The following ECPAS variants were observed in gnomAD, a reference collection of about 807,000 sequenced individuals.
ECPAS encodes the protein proteasome adapter and scaffold protein ECM29.
ECPAS carries 70 observed loss-of-function variants against 255.1 expected under a neutral mutation model. The ratio of observed to expected loss-of-function variants is 0.27; its 90% CI spans 0.23 to 0.33. ECPAS has a LOEUF of 0.33. Among genes scored for constraint, ECPAS ranks in the 10% least tolerant of loss-of-function variants. The pLI is 1.00. For missense variants in ECPAS, 1,817 were observed against 2,206.4 expected, an observed-to-expected ratio of 0.82 and a Z score of 3.54; for synonymous variants, 784 against 775.0, an observed-to-expected ratio of 1.01 and a Z score of -0.19.
At chr9:111,365,006 C>A (rs1425863278) in intron 48 of ECPAS, among the ~76,000 whole-genome samples, 3 of 152,116 alleles carry the variant, frequency 2.0e-5, no homozygotes. Flanking sequence ...AAATATATGA[C>A]AATAAAATTC....
At chr9:111,375,237 G>C in intron 37 of ECPAS, 35 bp from the exon 38 acceptor site, 2 of 1,533,976 alleles carry the variant, frequency 1.3e-6, no homozygotes. Context: ...GGTAAGCCTT[G>C]GCAAATAAGT....
At chr9:111,445,217 A>G (rs192197837) in intron 3 of ECPAS, among the ~76,000 whole-genome samples, 1 of 145,664 alleles carries the variant, frequency 6.9e-6, no homozygotes, top group African/African-American at 2.6e-5. Context: ...CTGGTCTCAA[A>G]CTCCTGATCT....
intron 8 of ECPAS, among the ~76,000 whole-genome samples, chr9:111,430,930 A>C (rs2098228919): frequency 6.6e-6 from 1 of 152,222 alleles, no homozygotes; most frequent in Admixed American, 6.5e-5. Context: ...ATGGGTTCTC[A>C]GGCCAATGGC....
intron 2 of ECPAS, among the ~76,000 whole-genome samples, chr9:111,469,599 A>G (rs571650986): frequency 6.6e-6 from 1 of 152,050 alleles, no homozygotes; most frequent in South Asian, 2.1e-4. Context: ...TCACAAGGTC[A>G]GGAGATCGAG....
At chr9:111,459,514 T>C (rs576596039) in intron 2 of ECPAS, among the ~76,000 whole-genome samples, 39 of 152,258 alleles carry the variant, frequency 2.6e-4, no homozygotes, top group African/African-American at 7.7e-4. Flanking sequence ...TATGAATTAT[T>C]AGTAGAATCC....
At chr9:111,407,428 A>AAAAAAG (rs2098186422) in intron 24 of ECPAS, among the ~76,000 whole-genome samples, 14 of 98,824 alleles carry the variant, frequency 1.4e-4, no homozygotes, top group Non-Finnish European at 2.8e-4. Context: ...AAAAAAAAAA[A>AAAAAAG]AAAAAAAAAA....
At position 111,394,307 on chromosome 9, in the gene ECPAS, T is replaced by C; in HGVS notation, c.2777-2A>G. 6.7e-7 allele frequency: 1 copy of C among 1,494,730 alleles called. No individual in the cohort carries two copies. The highest frequency in any genetic ancestry group is 8.9e-7 in the Non-Finnish European group (1 of 1,120,376). 92.6% of individuals were successfully genotyped at this position (1,494,730 alleles called of 1,614,324 possible). A position where few individuals can be genotyped will look rare whatever the true frequency, so the allele number is the denominator to read the frequency against. Reference sequence around the variant, plus strand: ...GAACCACATCATTCACTTTGGCTCCTGGGGAAAAGCAAAGAAAAATAACAA... The same window carrying C: ...GAACCACATCATTCACTTTGGCTCCCGGGGAAAAGCAAAGAAAAATAACAA... On this transcript the variant is annotated splice_acceptor_variant, in intron 25 of 49. Coordinates refer to ENST00000684092, the MANE Select transcript of ECPAS (RefSeq NM_001364929.1). LOFTEE classifies it high-confidence loss of function.
intron 46 of ECPAS, among the ~76,000 whole-genome samples, chr9:111,367,463 C>T (rs1189203544): frequency 6.6e-6 from 1 of 152,136 alleles, no homozygotes; most frequent in African/African-American, 2.4e-5. Context: ...AAATAAACTG[C>T]TTTATGTTTG....
At position 111,374,037 on chromosome 9, in the gene ECPAS, C is replaced by T. The variant is rs1019725904; in HGVS notation, c.4112G>A (p.Gly1371Asp). 6.2e-7 allele frequency: 1 copy of T among 1,611,958 alleles called. No homozygotes were observed. The highest frequency in any genetic ancestry group is 1.7e-5 in the Admixed American group (1 of 60,018). ...IRSGVGLGTKGGCASVIVSLT... is the reference protein window; with the variant it reads ...IRSGVGLGTKDGCASVIVSLT... The stretch of plus-strand genomic sequence containing the variant: ...TGACACAATGACACTGGCACAGCCA[C>T]CCTACAGGGTTACAAAAGCAAAGGT... Residue 1371 changes from glycine to aspartate, a missense_variant and splice_region_variant, in exon 39 of 50, where the codon GGT (glycine) becomes GAT (aspartate). Gly to Asp is a moderately conservative substitution (Grantham distance 94). This residue lies in a region of ECPAS where 960 missense variants were observed against 1,179.0 expected (regional missense o/e 0.81). Coordinates refer to ENST00000684092, the MANE Select transcript of ECPAS (RefSeq NM_001364929.1).
intron 2 of ECPAS, among the ~76,000 whole-genome samples, chr9:111,455,552 C>A (rs1332967270): frequency 6.6e-6 from 1 of 152,210 alleles, no homozygotes; most frequent in African/African-American, 2.4e-5. Flanking sequence ...TATCTGGAAA[C>A]CTGGATTTCA....
chr9:111,457,793 C>A (rs1224657559), intron 2 of ECPAS, among the ~76,000 whole-genome samples: 1 of 152,202 alleles, frequency 6.6e-6, no homozygotes, highest in African/African-American at 2.4e-5. Flanking sequence ...TTAATCCACA[C>A]AGTCAAACAA....
chr9:111,428,423 T>A (rs999928125), intron 9 of ECPAS, among the ~76,000 whole-genome samples: 2 of 152,140 alleles, frequency 1.3e-5, no homozygotes, highest in East Asian at 1.9e-4. Context: ...TTTTCAAAAC[T>A]AACATTTTTA....
chr9:111,394,215 G>A lies in ECPAS; in HGVS notation c.2867C>T (p.Ala956Val), dbSNP rs750297851. 6.2e-7 allele frequency: 1 copy of A among 1,609,388 alleles called. No homozygotes were observed. Among genetic ancestry groups the A allele is most frequent in the Non-Finnish European group, 8.5e-7 (1 of 1,177,648 alleles). The change falls in exon 26 of 50, where the codon GCC (alanine) becomes GTC (valine). Residue 956 changes from alanine (A) to valine (V), a missense_variant. Ala to Val is a moderately conservative substitution (Grantham distance 64). This residue lies in a region of ECPAS where 960 missense variants were observed against 1,179.0 expected (regional missense o/e 0.81). Transcript: ENST00000684092. ...GACAAGGGAAAGGAGCCAGATGCAGGCTGCTTGCCTCACGTGTGGGTTGGG... is the reference window on the plus strand; with the variant it reads ...GACAAGGGAAAGGAGCCAGATGCAGACTGCTTGCCTCACGTGTGGGTTGGG... ...ISPNPHVRQAACIWLLSLVRK... is the reference protein window; with the variant it reads ...ISPNPHVRQAVCIWLLSLVRK...
intron 3 of ECPAS, among the ~76,000 whole-genome samples, chr9:111,447,034 A>AT (rs1431100065): frequency 6.6e-6 from 1 of 152,192 alleles, no homozygotes; most frequent in Non-Finnish European, 1.5e-5. Context: ...ATCTAGGCTG[A>AT]TTCCTAGAGG....
chr9:111,436,631 CAA>C (rs1459041774), intron 7 of ECPAS, among the ~76,000 whole-genome samples: 1 of 151,406 alleles, frequency 6.6e-6, no homozygotes, highest in African/African-American at 2.4e-5. Flanking sequence ...ATTAAAATTA[CAA>C]AAGTTAAAAA....
rs61740229 is a variant in ECPAS, at chr9:111,397,126, T to C, written c.2680A>G (p.Ile894Val). ...EAKQIELQFT[I>V]GEAITSAAIG... ...GCAGCACTGGTAATGGCTTCGCCAA[T>C]AGTGAACTGAAGTTCTATCTGCTTG... The change falls in exon 25 of 50, where the codon ATT becomes GTT. Residue 894 changes from isoleucine (I) to valine (V), a missense_variant. Physicochemically the swap from Ile to Val is conservative, Grantham distance 29. This residue lies in a region of ECPAS where 960 missense variants were observed against 1,179.0 expected (regional missense o/e 0.81). Transcript: ENST00000684092. 2,036 of 1,613,928 alleles carry C rather than the reference T, an allele frequency of 1.3e-3. 29 individuals carry two copies. In the African/African-American group the frequency reaches 0.024, roughly 19 times the overall value.
chr9:111,450,558 T>G (rs1253087832), intron 3 of ECPAS, among the ~76,000 whole-genome samples: 1 of 152,174 alleles, frequency 6.6e-6, no homozygotes, highest in Admixed American at 6.5e-5. Context: ...TGACCTATTA[T>G]AAATATACTG....
chr9:111,482,652 A>G (rs905976015), intron 1 of ECPAS, among the ~76,000 whole-genome samples: 3 of 146,582 alleles, frequency 2.0e-5, no homozygotes, highest in Non-Finnish European at 4.5e-5. Flanking sequence ...GCATTGGGAG[A>G]AAAAAAAAAA....
intron 2 of ECPAS, among the ~76,000 whole-genome samples, chr9:111,460,762 T>A (rs1564561178): frequency 6.6e-6 from 1 of 152,102 alleles, no homozygotes; most frequent in Non-Finnish European, 1.5e-5. Context: ...CACAGAAAAC[T>A]AAAATACACC....
Sources: allele counts gnomAD v4.1 joint callset (sites outside exome capture counted in the v4.1 genomes callset), GRCh38; gene constraint gnomAD v4.1.1; regional missense constraint gnomAD v4.1.1; transcripts MANE v1.5; gene names NCBI Gene and HGNC (gene_info 2026-07-23, HGNC 2026-07-21).